Variants in RNF19A observed in about 807,000 individuals in gnomAD.
The protein encoded by RNF19A is ring finger protein 19A, RBR E3 ubiquitin protein ligase, also known as E3 ubiquitin-protein ligase RNF19A.
Under a neutral mutation model 75.7 loss-of-function variants are expected in RNF19A, and 32 were observed. The ratio of observed to expected loss-of-function variants is 0.42; its 90% CI spans 0.32 to 0.57. RNF19A has a LOEUF of 0.57. Among genes scored for constraint, RNF19A ranks in the 20% least tolerant of loss-of-function variants. The pLI is 0.10. For missense variants in RNF19A, 782 were observed against 1,036.3 expected (o/e 0.75, Z 3.37); for synonymous variants, 335 against 345.2 (o/e 0.97, Z 0.33).
rs756730996 is a variant in RNF19A, at chr8:100,260,028, A to G, written c.1683-31T>C. On this transcript the variant is annotated intron_variant, in intron 8 of 9. Transcript: ENST00000341084. This position sits in a 1 kb window ranked among gnomAD's most constrained non-coding sequence, Gnocchi z 4.1. The stretch of plus-strand genomic sequence containing the variant: ...AGGGGGGTATGAAATCACCAAAATT[A>G]TATTTAATATCAGCACTACTGTAAT... 33 of 1,589,048 alleles carry G rather than the reference A, an allele frequency of 2.1e-5. No homozygotes were observed. Among genetic ancestry groups the G allele is most frequent in the Non-Finnish European group, 2.8e-5 (32 of 1,158,160 alleles).
chr8:100,306,911 T>C (rs976200353), intron 1 of RNF19A, among the ~76,000 whole-genome samples: 1 of 152,224 alleles, frequency 6.6e-6, no homozygotes, highest in African/African-American at 2.4e-5. Flanking sequence ...TCTCCGTAAG[T>C]AGTAAGATGA....
chr8:100,264,492 C>CT lies in RNF19A; in HGVS notation c.1306+178dup. 1.7e-6 allele frequency: 1 copy of CT among 595,534 alleles called. No individual in the cohort carries two copies. The highest frequency in any genetic ancestry group is 2.9e-6 in the Non-Finnish European group (1 of 340,826). The allele number at this position is 595,534 out of a possible 1,614,324, so 36.9% of individuals were successfully genotyped here. A position where few individuals can be genotyped will look rare whatever the true frequency, so the allele number is the denominator to read the frequency against. On this transcript the variant is annotated intron_variant, in intron 6 of 9. Coordinates refer to ENST00000341084, the MANE Select transcript of RNF19A (RefSeq NM_183419.4). This position sits in a 1 kb window ranked among gnomAD's most constrained non-coding sequence, Gnocchi z 4.7. ...GAGTGGGGAGGAAGGGTATCAGCCA[C>CT]TAACAATTTACCAACTACTTTAAGG... is the stretch of plus-strand genomic sequence containing the variant.
At position 100,288,206 on chromosome 8, in the gene RNF19A, C is replaced by A. The variant is rs767120559; in HGVS notation, c.-32G>T. ...TAAGTCATGATGTAAGAATATCCTA[C>A]TTGGTTCCTTCAGAGAATTCTTGAA... On this transcript the variant is annotated 5_prime_UTR_variant, in exon 2 of 10. Transcript: ENST00000341084. 6.5e-7 allele frequency: 1 copy of A among 1,536,816 alleles called. No homozygotes were observed. Among genetic ancestry groups the A allele is most frequent in the Non-Finnish European group, 8.7e-7 (1 of 1,144,028 alleles).
chr8:100,328,397 A>C (rs1381560409), intron 1 of RNF19A, among the ~76,000 whole-genome samples: 3 of 152,162 alleles, frequency 2.0e-5, no homozygotes, highest in African/African-American at 7.2e-5. Flanking sequence ...GTCAACATGC[A>C]CAGGTTCTAG....
At chr8:100,271,321 T>C (rs886494716) in intron 3 of RNF19A, among the ~76,000 whole-genome samples, 1 of 152,146 alleles carries the variant, frequency 6.6e-6, no homozygotes, top group Non-Finnish European at 1.5e-5. Context: ...ATTTAAATGA[T>C]CAAAAGAACA....
intron 1 of RNF19A, among the ~76,000 whole-genome samples, chr8:100,335,887 G>A (rs1032583692): frequency 1.3e-5 from 2 of 152,200 alleles, no homozygotes; most frequent in East Asian, 3.8e-4. Flanking sequence ...GGCTGATTGG[G>A]CAAAGAGCCC....
rs184515939 is a variant in RNF19A, at chr8:100,275,417, T to C, written c.675-256A>G. Among the ~76,000 whole-genome samples, 12 of 152,096 alleles carry C rather than the reference T, an allele frequency of 7.9e-5. No homozygotes were observed. The East Asian group carries it at 2.3e-3, about 29-fold the overall frequency. ...TTTTTTTTAGGTTCAGGGTTTTTTT[T>C]TTAGATTCAGGGGGTACATGTGCAA... On this transcript the variant is annotated intron_variant, in intron 2 of 9. Transcript: ENST00000341084. This position sits in a 1 kb window ranked among gnomAD's most constrained non-coding sequence, Gnocchi z 4.3.
At chr8:100,263,325 C>T (rs752727980) in intron 7 of RNF19A, among the ~76,000 whole-genome samples, 6 of 152,060 alleles carry the variant, frequency 3.9e-5, no homozygotes, top group African/African-American at 9.7e-5. Flanking sequence ...TCTACCATGT[C>T]GGATATACTG....
At chr8:100,294,543 C>G (rs1238273172) in intron 1 of RNF19A, among the ~76,000 whole-genome samples, 2 of 152,114 alleles carry the variant, frequency 1.3e-5, no homozygotes, top group African/African-American at 2.4e-5. Context: ...ATAACTCCCT[C>G]CTTTCTGCGA....
upstream of RNF19A, among the ~76,000 whole-genome samples, chr8:100,312,731 C>T (rs1439539925): frequency 6.6e-6 from 1 of 151,870 alleles, no homozygotes; most frequent in Non-Finnish European, 1.5e-5. Flanking sequence ...TGATACCAGC[C>T]GGGACAACAT....
chr8:100,297,011 A>C (rs1240055962), intron 1 of RNF19A, among the ~76,000 whole-genome samples: 1 of 152,240 alleles, frequency 6.6e-6, no homozygotes, highest in African/African-American at 2.4e-5. Context: ...AGGTTAATCA[A>C]TATTGTATAT....
chr8:100,292,435 G>GGTGTGT (rs1554671903), intron 1 of RNF19A, among the ~76,000 whole-genome samples: 1,899 of 145,392 alleles, frequency 0.013, 24 homozygotes, highest in Middle Eastern at 0.035. Context: ...CTATCATATG[G>GGTGTGT]GTGTGTGTGT....
chr8:100,308,387 C>G (rs1293423439), intron 1 of RNF19A, among the ~76,000 whole-genome samples: 2 of 151,890 alleles, frequency 1.3e-5, no homozygotes, highest in Non-Finnish European at 2.9e-5. Context: ...AAATTTTTAC[C>G]ATGAAACTGT....
Position 100,264,598 on chromosome 8 carries a change from TAAAA to T in RNF19A, c.1306+69_1306+72del. On this transcript the variant is annotated intron_variant, in intron 6 of 9. Coordinates refer to ENST00000341084, the MANE Select transcript of RNF19A (RefSeq NM_183419.4). This position sits in a 1 kb window ranked among gnomAD's most constrained non-coding sequence, Gnocchi z 4.7. The stretch of plus-strand genomic sequence containing the variant: ...AATTGTCCTCAAATTAAAAAACAAT[TAAAA>T]AAAATCCTTCCACAAAACTTTAACT... The T allele has an allele frequency of 1.0e-6, 1 of 996,082 alleles. No homozygotes were observed. The highest frequency in any genetic ancestry group is 1.5e-6 in the Non-Finnish European group (1 of 649,352). 61.7% of individuals were successfully genotyped at this position (996,082 alleles called of 1,614,324 possible).
At chr8:100,290,491 G>A (rs189299882) in intron 1 of RNF19A, among the ~76,000 whole-genome samples, 80 of 152,252 alleles carry the variant, frequency 5.3e-4, no homozygotes, top group South Asian at 4.2e-3. Context: ...CATGATTAAT[G>A]TGCCTTTTTC....
chr8:100,258,911 G>A lies in RNF19A; in HGVS notation c.2162C>T (p.Ala721Val). 1 of 1,614,184 alleles carries A rather than the reference G, an allele frequency of 6.2e-7. No homozygotes were observed. Among genetic ancestry groups the A allele is most frequent in the South Asian group, 1.1e-5 (1 of 91,080 alleles). ...PSLSDSMPSV[A>V]DSHSSHFSEF... is the part of the protein sequence containing the mutation. Reference sequence around the variant, plus strand: ...AGAAAAATGACTAGAGTGAGAATCTGCTACAGAAGGCATACTGTCACTGAG... The same window carrying A: ...AGAAAAATGACTAGAGTGAGAATCTACTACAGAAGGCATACTGTCACTGAG... Residue 721 changes from alanine (A) to valine (V), a missense_variant, in exon 10 of 10, where the codon GCA becomes GTA. Transcript: ENST00000341084. This position sits in a 1 kb window ranked among gnomAD's most constrained non-coding sequence, Gnocchi z 4.3.
chr8:100,293,193 G>A (rs554884422), intron 1 of RNF19A, among the ~76,000 whole-genome samples: 2 of 152,352 alleles, frequency 1.3e-5, no homozygotes, highest in East Asian at 3.9e-4. Context: ...TGTGGCCCAA[G>A]GGTTGGGGAG....
At chr8:100,315,704 T>C (rs1822363349) in intron 1 of RNF19A, among the ~76,000 whole-genome samples, 1 of 152,136 alleles carries the variant, frequency 6.6e-6, no homozygotes, top group Non-Finnish European at 1.5e-5. Context: ...CAGGTGGGAG[T>C]GCAGTGGTGC....
chr8:100,287,541 C>T lies in RNF19A; in HGVS notation c.634G>A (p.Ala212Thr), dbSNP rs765571716. The T allele has an allele frequency of 6.2e-6, 10 of 1,613,734 alleles. No individual in the cohort carries two copies. The highest frequency in any genetic ancestry group is 7.6e-6 in the Non-Finnish European group (9 of 1,179,812). ...GGACACCACCTACAATCAGGATCTG[C>T]AACAAGCCACCGTCTAAGCATAAAT... is the stretch of plus-strand genomic sequence containing the variant. Reference protein sequence around the residue: ...EEFMLRRWLVADPDCRWCPAP... With the variant: ...EEFMLRRWLVTDPDCRWCPAP... The change falls in exon 2 of 10, where the codon GCA becomes ACA. Residue 212 changes from alanine (A) to threonine (T), a missense_variant. By Grantham distance (58) the Ala-to-Thr change is moderately conservative. Around this residue, in one of 7 missense-constraint regions of RNF19A, gnomAD observed 85 missense variants for 177.7 expected, o/e 0.48. Transcript: ENST00000341084. This position sits in a 1 kb window ranked among gnomAD's most constrained non-coding sequence, Gnocchi z 4.1.
Sources: gnomAD v4.1 joint callset for allele counts (sites outside exome capture counted in the v4.1 genomes callset) on GRCh38, gnomAD v4.1.1 for gene constraint, gnomAD v4.1.1 regional missense constraint, Gnocchi (gnomAD v3.1) non-coding constraint, MANE v1.5 for transcripts, NCBI Gene and HGNC (gene_info 2026-07-23, HGNC 2026-07-21) for gene names.